The following PDE4D variants were observed in gnomAD, a reference collection of about 807,000 sequenced individuals.
PDE4D encodes the protein phosphodiesterase 4D.
PDE4D carries 24 observed loss-of-function variants against 87.4 expected under a neutral mutation model. The ratio of observed to expected loss-of-function variants is 0.27; its 90% CI spans 0.20 to 0.39. The LOEUF (loss-of-function observed/expected upper bound fraction) is 0.39, where lower values mean the gene tolerates loss of function less well. Ranked by LOEUF, PDE4D falls within the 10% of genes least tolerant of loss-of-function variation. The pLI is 1.00. For missense variants in PDE4D, 714 were observed against 1,041.0 expected (o/e 0.69, Z 4.32); for synonymous variants, 384 against 383.2 (o/e 1.00, Z -0.02).
At chr5:60,016,633 A>C (rs1251284019) in intron 2 of PDE4D, among the ~76,000 whole-genome samples, 1 of 152,180 alleles carries the variant, frequency 6.6e-6, no homozygotes, top group East Asian at 1.9e-4. Context: ...CTATTTCAAC[A>C]ATGTTCACAG....
At chr5:60,344,682 T>C (rs1561143631) in intron 1 of PDE4D, among the ~76,000 whole-genome samples, 1 of 152,122 alleles carries the variant, frequency 6.6e-6, no homozygotes, top group South Asian at 2.1e-4. Context: ...ACACAAGAGA[T>C]AAATAGTTTA....
chr5:59,615,180 G>A (rs1246130617), intron 1 of PDE4D, among the ~76,000 whole-genome samples: 1 of 151,942 alleles, frequency 6.6e-6, no homozygotes, highest in Non-Finnish European at 1.5e-5. Flanking sequence ...CTTCTTACCT[G>A]GACTTCATTA....
chr5:59,238,791 C>G (rs1451149532), intron 1 of PDE4D, among the ~76,000 whole-genome samples: 1 of 152,136 alleles, frequency 6.6e-6, no homozygotes, highest in African/African-American at 2.4e-5. Context: ...AAACATCAAG[C>G]AAGATGTAAC....
At chr5:59,007,779 C>A (rs1751929260) in intron 6 of PDE4D, among the ~76,000 whole-genome samples, 1 of 151,934 alleles carries the variant, frequency 6.6e-6, no homozygotes, top group Admixed American at 6.6e-5. Context: ...TTTTTTAAAA[C>A]CAAATAATCA....
intron 1 of PDE4D, among the ~76,000 whole-genome samples, chr5:60,212,580 G>C (rs992152393): frequency 2.6e-5 from 4 of 152,134 alleles, no homozygotes; most frequent in African/African-American, 9.7e-5. Context: ...GTTTTTCCTA[G>C]TTTCATGGAA....
chr5:59,574,452 A>T (rs1029882695), intron 1 of PDE4D, among the ~76,000 whole-genome samples: 5 of 151,912 alleles, frequency 3.3e-5, no homozygotes, highest in African/African-American at 7.3e-5. Context: ...AATCTGGGTG[A>T]TTGGAACTGT....
chr5:59,228,072 A>G (rs1480444141), intron 1 of PDE4D, among the ~76,000 whole-genome samples: 1 of 152,228 alleles, frequency 6.6e-6, no homozygotes, highest in African/African-American at 2.4e-5. Flanking sequence ...CTATGCAGCC[A>G]TAAAAAGGAA....
rs372078770 is a variant in PDE4D at position 59,215,833 on chromosome 5, G to A, written c.591C>T (p.Ser197=). Residue 197 remains serine (S), a synonymous_variant, in exon 2 of 15, where the codon AGC becomes AGT. Coordinates refer to ENST00000340635, the MANE Select transcript of PDE4D (RefSeq NM_001104631.2). ...TAGACTTTGGAGAGAGGTCATAATC[G>A]CTGTCGGATCGATACAGGAAGGACT... ...RRESFLYRSD[S]DYDLSPKSMS... is the part of the protein sequence containing the mutation. 24 of 1,613,646 alleles carry A rather than the reference G, an allele frequency of 1.5e-5. No individual in the cohort carries two copies. The highest frequency in any genetic ancestry group is 1.7e-4 in the Middle Eastern group (1 of 6,058).
chr5:60,245,958 A>T (rs1236826768), intron 1 of PDE4D, among the ~76,000 whole-genome samples: 1 of 151,916 alleles, frequency 6.6e-6, no homozygotes, highest in Non-Finnish European at 1.5e-5. Flanking sequence ...ACAAAAAATA[A>T]ATGCTTGAGG....
intron 6 of PDE4D, among the ~76,000 whole-genome samples, chr5:59,003,791 C>A (rs9292186): frequency 0.2 from 31,049 of 151,826 alleles, 3,636 homozygotes; most frequent in East Asian, 0.54. Flanking sequence ...ATGTGGATTG[C>A]GGGGTGAGAG....
intron 1 of PDE4D, among the ~76,000 whole-genome samples, chr5:59,540,399 T>C (rs1425938748): frequency 6.6e-5 from 10 of 152,140 alleles, no homozygotes; most frequent in Admixed American, 6.5e-4. Context: ...AGAGGGCTAT[T>C]TCTGCAAGTT....
At chr5:60,369,538 G>A (rs1012914891) in intron 1 of PDE4D, among the ~76,000 whole-genome samples, 6 of 152,118 alleles carry the variant, frequency 3.9e-5, no homozygotes, top group African/African-American at 7.2e-5. Flanking sequence ...AGAGAGAGGC[G>A]GGATGCAGAC....
chr5:59,488,691 AG>A (rs1162167689), intron 1 of PDE4D, among the ~76,000 whole-genome samples: 12 of 129,118 alleles, frequency 9.3e-5, no homozygotes, highest in Non-Finnish European at 1.7e-4. Context: ...TTTTTTTTTG[AG>A]GGGGGGATCT....
chr5:59,323,046 T>A (rs1774997896), intron 1 of PDE4D, among the ~76,000 whole-genome samples: 1 of 152,150 alleles, frequency 6.6e-6, no homozygotes, highest in South Asian at 2.1e-4. Context: ...TCTCAACAGT[T>A]CTGACTAATT....
chr5:59,057,241 G>A (rs1762505220), intron 5 of PDE4D, among the ~76,000 whole-genome samples: 1 of 152,168 alleles, frequency 6.6e-6, no homozygotes, highest in Non-Finnish European at 1.5e-5. Flanking sequence ...CTGGGGCAGT[G>A]AGGGACCTTA....
chr5:60,039,462 C>T (rs1458556944), intron 2 of PDE4D, among the ~76,000 whole-genome samples: 2 of 151,728 alleles, frequency 1.3e-5, no homozygotes, highest in African/African-American at 4.8e-5. Context: ...GGAGGGATAG[C>T]TTTAGGAGAT....
At chr5:59,052,743 A>G (rs186679855) in intron 5 of PDE4D, among the ~76,000 whole-genome samples, 13 of 152,338 alleles carry the variant, frequency 8.5e-5, no homozygotes, top group African/African-American at 2.4e-4. Context: ...GGCTAAAAAT[A>G]CATTCCCTAG....
At chr5:60,441,267 G>A (rs1283032167) in intron 1 of PDE4D, among the ~76,000 whole-genome samples, 4 of 151,998 alleles carry the variant, frequency 2.6e-5, no homozygotes, top group African/African-American at 9.6e-5. Context: ...CAGAACAGAG[G>A]CTCAGAAATA....
intron 1 of PDE4D, among the ~76,000 whole-genome samples, chr5:60,339,903 G>T (rs530839208): frequency 9.8e-5 from 15 of 152,368 alleles, no homozygotes; most frequent in African/African-American, 3.1e-4. Flanking sequence ...TGTGCAGTTG[G>T]AAATGTGCCG....
Sources: allele counts gnomAD v4.1 joint callset (sites outside exome capture counted in the v4.1 genomes callset), GRCh38; gene constraint gnomAD v4.1.1; transcripts MANE v1.5; gene names NCBI Gene and HGNC (gene_info 2026-07-23, HGNC 2026-07-21).